Variants in MAML2 observed in about 807,000 individuals in gnomAD.
MAML2 encodes the protein mastermind-like protein 2.
Under a neutral mutation model 96.1 loss-of-function variants are expected in MAML2, and 22 were observed. That is an observed-to-expected ratio of 0.23 (90% CI 0.16 to 0.33). The LOEUF (loss-of-function observed/expected upper bound fraction) is 0.33, where lower values mean the gene tolerates loss of function less well. MAML2 is among the 10% of genes least tolerant of loss of function. The probability of loss-of-function intolerance (pLI) is 1.00; values close to 1 mark genes in which losing one functional copy is unlikely to be tolerated. For missense variants in MAML2, 1,367 were observed against 1,392.4 expected (o/e 0.98, Z 0.29); for synonymous variants, 561 against 521.3 (o/e 1.08, Z -1.04).
At chr11:96,310,609 G>A (rs976532083) in intron 1 of MAML2, among the ~76,000 whole-genome samples, 6 of 152,124 alleles carry the variant, frequency 3.9e-5, no homozygotes, top group Non-Finnish European at 8.8e-5. Flanking sequence ...CTAGTCCTTA[G>A]GTTGGCAATA....
At chr11:96,082,436 AG>A (rs1387792438) in intron 2 of MAML2, among the ~76,000 whole-genome samples, 1 of 152,196 alleles carries the variant, frequency 6.6e-6, no homozygotes, top group African/African-American at 2.4e-5. Flanking sequence ...CACTCAGGGA[AG>A]GGGATGGAGA....
chr11:96,320,451 C>T (rs1161265150), intron 1 of MAML2, among the ~76,000 whole-genome samples: 1 of 152,198 alleles, frequency 6.6e-6, no homozygotes, highest in Non-Finnish European at 1.5e-5. Context: ...GGAAGAAGCA[C>T]ATTTTGCTGA....
At chr11:96,000,006 C>A (rs1858056915) in intron 2 of MAML2, among the ~76,000 whole-genome samples, 1 of 152,210 alleles carries the variant, frequency 6.6e-6, no homozygotes, top group Non-Finnish European at 1.5e-5. Context: ...ATTTATTTAT[C>A]TCTGTGACTG....
intron 1 of MAML2, among the ~76,000 whole-genome samples, chr11:96,176,256 T>G (rs1861387196): frequency 6.6e-6 from 1 of 152,180 alleles, no homozygotes; most frequent in Admixed American, 6.5e-5. Flanking sequence ...ATATAAAAAC[T>G]TAATATTTGT....
At chr11:96,339,875 A>C (rs1863968750) in intron 1 of MAML2, among the ~76,000 whole-genome samples, 1 of 152,170 alleles carries the variant, frequency 6.6e-6, no homozygotes, top group African/African-American at 2.4e-5. Flanking sequence ...TCCAGGGAGA[A>C]GCGGGAATAG....
intron 1 of MAML2, among the ~76,000 whole-genome samples, chr11:96,326,917 C>G (rs561297207): frequency 6.6e-6 from 1 of 152,276 alleles, no homozygotes; most frequent in South Asian, 2.1e-4. Flanking sequence ...GTGAATAAAA[C>G]TGCCCAGGTT....
intron 1 of MAML2, among the ~76,000 whole-genome samples, chr11:96,337,684 T>C (rs1222850238): frequency 6.6e-6 from 1 of 152,214 alleles, no homozygotes; most frequent in Non-Finnish European, 1.5e-5. Context: ...TCCCTCTATT[T>C]ACAATAAGTG....
In MAML2 at chr11:95,994,454, A is replaced by G. The variant is rs549713412; in HGVS notation, c.2140-2731T>C. 2.5e-4 allele frequency among the ~76,000 whole-genome samples: 38 copies of G among 152,278 alleles called. 1 individual carries two copies. The highest frequency in any genetic ancestry group is 7.5e-4 in the African/African-American group (31 of 41,562). On this transcript the variant is annotated intron_variant, in intron 2 of 4. Coordinates refer to ENST00000524717, the MANE Select transcript of MAML2 (RefSeq NM_032427.4). Reference sequence around the variant, plus strand: ...CTTGAGGGTCATTGACAGAATGGCAAATGAGGATCGGTGAGCTGAGTGTCT... The same window carrying G: ...CTTGAGGGTCATTGACAGAATGGCAGATGAGGATCGGTGAGCTGAGTGTCT...
At chr11:96,174,250 GCC>G (rs201288904) in intron 1 of MAML2, among the ~76,000 whole-genome samples, 1,937 of 152,282 alleles carry the variant, frequency 0.013, 25 homozygotes, top group Non-Finnish European at 0.018. Context: ...TTAAGGGGAT[GCC>G]TTGCTTTTCT....
At chr11:96,273,507 T>G (rs1452266505) in intron 1 of MAML2, among the ~76,000 whole-genome samples, 1 of 152,210 alleles carries the variant, frequency 6.6e-6, no homozygotes, top group Non-Finnish European at 1.5e-5. Context: ...TTTTGTAGCT[T>G]TCATCCTTAT....
Position 95,977,207 on chromosome 11 carries a change from C to A in MAML2, c.*1741G>T. 5.3e-6 allele frequency: 1 copy of A among 187,200 alleles called. No individual in the cohort carries two copies. The highest frequency in any genetic ancestry group is 1.9e-3 in the Middle Eastern group (1 of 526). The allele number at this position is 187,200 out of a possible 1,614,324, so 11.6% of individuals were successfully genotyped here. A position where few individuals can be genotyped will look rare whatever the true frequency, so the allele number is the denominator to read the frequency against. On this transcript the variant is annotated 3_prime_UTR_variant, in exon 5 of 5. Transcript: ENST00000524717. ...ATTTACTTTTTGTATAAAATATAAC[C>A]TTTTGATAGTATATTTATTTCACAT...
chr11:96,247,850 A>G (rs1411676250), intron 1 of MAML2, among the ~76,000 whole-genome samples: 1 of 152,254 alleles, frequency 6.6e-6, no homozygotes, highest in East Asian at 1.9e-4. Flanking sequence ...AATAGAAACA[A>G]TCAGCACACC....
intron 1 of MAML2, among the ~76,000 whole-genome samples, chr11:96,260,460 A>C (rs1862732762): frequency 6.6e-6 from 1 of 152,120 alleles, no homozygotes; most frequent in Admixed American, 6.6e-5. Context: ...CTTGGAATGG[A>C]GGTGCAGCAT....
intron 2 of MAML2, among the ~76,000 whole-genome samples, chr11:96,034,808 T>A (rs898194236): frequency 6.6e-6 from 1 of 152,176 alleles, no homozygotes; most frequent in African/African-American, 2.4e-5. Context: ...TCATATTTTG[T>A]CTAGATGGCA....
intron 1 of MAML2, among the ~76,000 whole-genome samples, chr11:96,118,443 C>T (rs1266082276): frequency 1.3e-5 from 2 of 152,206 alleles, no homozygotes; most frequent in Non-Finnish European, 2.9e-5. Context: ...GCCTTGCTTC[C>T]ATTCATGCCT....
chr11:96,299,382 C>T (rs1466140575), intron 1 of MAML2, among the ~76,000 whole-genome samples: 1 of 151,484 alleles, frequency 6.6e-6, no homozygotes. Flanking sequence ...TAGGATTAAT[C>T]CAGGACTGAG....
intron 1 of MAML2, among the ~76,000 whole-genome samples, chr11:96,294,765 T>C (rs1214086372): frequency 6.6e-6 from 1 of 152,186 alleles, no homozygotes; most frequent in Non-Finnish European, 1.5e-5. Context: ...TTATCAACAC[T>C]ATAAAATAAG....
At chr11:96,111,371 C>T (rs1276664697) in intron 1 of MAML2, among the ~76,000 whole-genome samples, 1 of 152,120 alleles carries the variant, frequency 6.6e-6, no homozygotes. Context: ...TGACAAGCGC[C>T]AACAGTCATA....
intron 3 of MAML2, among the ~76,000 whole-genome samples, chr11:95,990,934 T>G (rs1442653906): frequency 6.6e-6 from 1 of 152,042 alleles, no homozygotes; most frequent in African/African-American, 2.4e-5. Context: ...CAGTCAAATA[T>G]TAGGTTGGTG....
Sources: gnomAD v4.1 joint callset for allele counts (sites outside exome capture counted in the v4.1 genomes callset) on GRCh38, gnomAD v4.1.1 for gene constraint, MANE v1.5 for transcripts, NCBI Gene and HGNC (gene_info 2026-07-23, HGNC 2026-07-21) for gene names.